CDH12: variants seen among roughly 807,000 people sequenced by gnomAD.
The protein encoded by CDH12 is cadherin 12, also known as cadherin-12.
In CDH12, 41 loss-of-function variants were observed where a neutral mutation model predicts 74.1. That is an observed-to-expected ratio of 0.55 (90% CI 0.43 to 0.72). The LOEUF is 0.72. Among genes scored for constraint, CDH12 ranks in the 30% least tolerant of loss-of-function variants. CDH12 has a pLI of 0.00. For synonymous variants in CDH12, 399 were observed against 355.0 expected, an observed-to-expected ratio of 1.12 and a Z score of -1.39; for missense variants, 945 against 977.2, an observed-to-expected ratio of 0.97 and a Z score of 0.44.
chr5:22,412,460 T>C (rs1260402219), intron 2 of CDH12, among the ~76,000 whole-genome samples: 1 of 151,904 alleles, frequency 6.6e-6, no homozygotes, highest in East Asian at 1.9e-4. Flanking sequence ...ACAAAAATGG[T>C]GAATAAAAAC....
At chr5:22,682,469 G>T (rs1365830331) in intron 1 of CDH12, among the ~76,000 whole-genome samples, 1 of 151,856 alleles carries the variant, frequency 6.6e-6, no homozygotes, top group Non-Finnish European at 1.5e-5. Context: ...ACACGGTAGT[G>T]GTCTCTTATA....
intron 1 of CDH12, among the ~76,000 whole-genome samples, chr5:22,644,208 G>A (rs535911377): frequency 6.6e-6 from 1 of 152,242 alleles, no homozygotes; most frequent in South Asian, 2.1e-4. Context: ...GTGAAGCATA[G>A]TGAAGAAGGC....
At chr5:22,271,291 C>T (rs997460695) in intron 3 of CDH12, among the ~76,000 whole-genome samples, 1 of 152,178 alleles carries the variant, frequency 6.6e-6, no homozygotes, top group African/African-American at 2.4e-5. Context: ...CCGTTGGAAG[C>T]AATTCCTATT....
chr5:22,743,202 G>C (rs1435484728), intron 1 of CDH12, among the ~76,000 whole-genome samples: 1 of 150,114 alleles, frequency 6.7e-6, no homozygotes, highest in African/African-American at 2.4e-5. Context: ...CAGCTCTCCA[G>C]CTTGCTCACT....
intron 6 of CDH12, among the ~76,000 whole-genome samples, chr5:21,941,440 TA>T (rs781268485): frequency 4.6e-5 from 7 of 152,044 alleles, no homozygotes; most frequent in African/African-American, 7.2e-5. Context: ...GAGTTGTTTT[TA>T]AAAAATGAGC....
rs1470060444 is a variant in CDH12 at position 22,028,714 on chromosome 5, C to T, written c.231+49732G>A. ...AGGTAATTTATAGATTCAATGCCAT[C>T]CCCATCAAGCTACCAATGACTTTCT... On this transcript the variant is annotated intron_variant, in intron 5 of 14. Coordinates refer to ENST00000382254, the MANE Select transcript of CDH12 (RefSeq NM_004061.5). Among the ~76,000 whole-genome samples, 6 of 152,044 alleles carry T rather than the reference C, an allele frequency of 3.9e-5. No individual in the cohort carries two copies. The East Asian group carries it at 1.2e-3, about 29-fold the overall frequency.
chr5:22,371,159 T>C (rs1741270838), intron 3 of CDH12, among the ~76,000 whole-genome samples: 1 of 152,166 alleles, frequency 6.6e-6, no homozygotes, highest in Admixed American at 6.6e-5. Flanking sequence ...AATTTTAATT[T>C]CTGGAAAATT....
chr5:22,446,879 A>C (rs2126553165), intron 2 of CDH12, among the ~76,000 whole-genome samples: 1 of 152,236 alleles, frequency 6.6e-6, no homozygotes, highest in Admixed American at 6.5e-5. Flanking sequence ...ACCCAGAATG[A>C]GATATGAATA....
rs1739765760 is a variant in CDH12, at chr5:22,339,840, GT to G, written c.-333+65416del. 2.0e-5 allele frequency among the ~76,000 whole-genome samples: 3 copies of G among 152,232 alleles called. No individual in the cohort carries two copies. In the South Asian group the frequency reaches 6.2e-4, roughly 32 times the overall value. On this transcript the variant is annotated intron_variant, in intron 3 of 14. Coordinates refer to ENST00000382254, the MANE Select transcript of CDH12 (RefSeq NM_004061.5). ...TTCATTTAAAATAAAGAGCAGAAAA[GT>G]GAAAGACAGATGTTACATATATACA...
At chr5:21,971,991 T>C (rs1016500571) in intron 6 of CDH12, among the ~76,000 whole-genome samples, 2 of 152,134 alleles carry the variant, frequency 1.3e-5, no homozygotes, top group Non-Finnish European at 2.9e-5. Context: ...AAGTCTTAAA[T>C]ATTGATTTTC....
At chr5:22,083,993 G>A (rs1332999093) in intron 4 of CDH12, among the ~76,000 whole-genome samples, 1 of 152,086 alleles carries the variant, frequency 6.6e-6, no homozygotes, top group African/African-American at 2.4e-5. Context: ...TTCCTCTGAA[G>A]TCCAGAGATC....
chr5:22,654,176 T>C (rs201653233), intron 1 of CDH12, among the ~76,000 whole-genome samples: 1 of 149,166 alleles, frequency 6.7e-6, no homozygotes, highest in South Asian at 2.1e-4. Context: ...CTTCCTTCCT[T>C]TCTTCTTTCT....
At chr5:22,456,948 G>T (rs531576304) in intron 2 of CDH12, among the ~76,000 whole-genome samples, 219 of 150,724 alleles carry the variant, frequency 1.5e-3, no homozygotes, top group African/African-American at 5.0e-3. Flanking sequence ...ATTATTCATG[G>T]TTTTTTTTTT....
At chr5:22,573,447 G>T (rs1739631812) in intron 1 of CDH12, among the ~76,000 whole-genome samples, 1 of 151,952 alleles carries the variant, frequency 6.6e-6, no homozygotes, top group African/African-American at 2.4e-5. Flanking sequence ...AAAAAATATT[G>T]CTCAGATCCA....
At chr5:22,359,702 T>G (rs1038318636) in intron 3 of CDH12, among the ~76,000 whole-genome samples, 1 of 152,144 alleles carries the variant, frequency 6.6e-6, no homozygotes, top group South Asian at 2.1e-4. Context: ...TCAGCAAATG[T>G]AAAAGAATAG....
intron 6 of CDH12, chr5:21,884,000 A>C: frequency 6.5e-7 from 1 of 1,536,422 alleles, no homozygotes; most frequent in Non-Finnish European, 9.0e-7. Context: ...TTATTAAAAG[A>C]ACACTCAAAA....
At chr5:21,966,202 G>GA (rs1291229185) in intron 6 of CDH12, among the ~76,000 whole-genome samples, 3 of 146,014 alleles carry the variant, frequency 2.1e-5, no homozygotes, top group East Asian at 2.0e-4. Flanking sequence ...TTTTTAGGGA[G>GA]AAAAAAACAC....
At chr5:22,003,022 T>A (rs1317111082) in intron 5 of CDH12, among the ~76,000 whole-genome samples, 1 of 152,092 alleles carries the variant, frequency 6.6e-6, no homozygotes, top group African/African-American at 2.4e-5. Flanking sequence ...GGCTTTTGAT[T>A]TAGTGGATAT....
intron 1 of CDH12, among the ~76,000 whole-genome samples, chr5:22,839,749 CAT>C (rs1287848159): frequency 3.3e-5 from 5 of 152,318 alleles, no homozygotes; most frequent in South Asian, 4.1e-4. Flanking sequence ...TAAGTAGACA[CAT>C]GTTTGTACAC....
Sources: gnomAD v4.1 joint callset for allele counts (sites outside exome capture counted in the v4.1 genomes callset) on GRCh38, gnomAD v4.1.1 for gene constraint, MANE v1.5 for transcripts, NCBI Gene and HGNC (gene_info 2026-07-23, HGNC 2026-07-21) for gene names.